The following MMP16 variants were observed in gnomAD, a reference collection of about 807,000 sequenced individuals.
MMP16 encodes matrix metallopeptidase 16.
A neutral mutation model predicts 67.8 loss-of-function variants in MMP16; 12 were observed. That is an observed-to-expected ratio of 0.18 (90% CI 0.11 to 0.29). The LOEUF is 0.29. Among genes scored for constraint, MMP16 ranks in the 10% least tolerant of loss-of-function variants. MMP16 has a pLI of 1.00. For missense variants in MMP16, 475 were observed against 765.7 expected (o/e 0.62, Z 4.48); for synonymous variants, 249 against 255.9 (o/e 0.97, Z 0.26).
intron 4 of MMP16, among the ~76,000 whole-genome samples, chr8:88,150,841 G>C (rs1223180010): frequency 6.7e-6 from 1 of 149,194 alleles, no homozygotes; most frequent in Non-Finnish European, 1.5e-5. Context: ...CATAATGACA[G>C]GATCAAATTC....
chr8:88,230,149 G>A (rs1177756471), intron 1 of MMP16, among the ~76,000 whole-genome samples: 1 of 151,984 alleles, frequency 6.6e-6, no homozygotes, highest in Non-Finnish European at 1.5e-5. Flanking sequence ...ACTTTATTGT[G>A]CCTTAGAATC....
At chr8:88,218,274 C>T (rs978403779) in intron 1 of MMP16, among the ~76,000 whole-genome samples, 9 of 151,886 alleles carry the variant, frequency 5.9e-5, no homozygotes, top group Non-Finnish European at 7.4e-5. Context: ...TAATGATGCA[C>T]AGGAAGCTAA....
rs528099010 is a variant in MMP16, at chr8:88,302,464, C to T, written c.132+24611G>A. Reference sequence around the variant, plus strand: ...ATTATCTGCGCACAAAATAAAGTCCCTGTTGTACTCCTTCTCCACTGACAT... The same window carrying T: ...ATTATCTGCGCACAAAATAAAGTCCTTGTTGTACTCCTTCTCCACTGACAT... On this transcript the variant is annotated intron_variant, in intron 1 of 9. Transcript: ENST00000286614. 1.3e-4 allele frequency among the ~76,000 whole-genome samples: 20 copies of T among 152,288 alleles called. No individual in the cohort carries two copies. In the South Asian group the frequency reaches 3.9e-3, roughly 30 times the overall value.
At chr8:88,094,276 G>C (rs1808988362) in intron 6 of MMP16, among the ~76,000 whole-genome samples, 1 of 151,648 alleles carries the variant, frequency 6.6e-6, no homozygotes, top group Non-Finnish European at 1.5e-5. Context: ...GATAACCATA[G>C]ATTCCACTGA....
intron 6 of MMP16, among the ~76,000 whole-genome samples, chr8:88,112,276 T>C (rs936399011): frequency 4.0e-5 from 6 of 151,624 alleles, no homozygotes; most frequent in Non-Finnish European, 7.4e-5. Context: ...GTTACCACTA[T>C]ATGCATTCAT....
intron 4 of MMP16, among the ~76,000 whole-genome samples, chr8:88,149,331 G>A (rs371950482): frequency 0.056 from 8,558 of 152,168 alleles, 376 homozygotes; most frequent in Admixed American, 0.11. Flanking sequence ...CAAAGCAGCC[G>A]GGAACCTCGA....
chr8:88,084,011 C>T (rs1274579115), intron 6 of MMP16, among the ~76,000 whole-genome samples: 4 of 151,976 alleles, frequency 2.6e-5, no homozygotes, highest in Non-Finnish European at 5.9e-5. Flanking sequence ...AATGGTAACG[C>T]TTGCCTAACT....
intron 2 of MMP16, among the ~76,000 whole-genome samples, chr8:88,196,162 CTA>C (rs1554584711): frequency 6.6e-6 from 1 of 152,158 alleles, no homozygotes; most frequent in Non-Finnish European, 1.5e-5. Flanking sequence ...TTTAGTTCCT[CTA>C]TTTGAGAAAG....
intron 6 of MMP16, among the ~76,000 whole-genome samples, chr8:88,092,329 C>T (rs76702677): frequency 3.7e-4 from 56 of 151,962 alleles, no homozygotes; most frequent in African/African-American, 1.3e-3. Flanking sequence ...CTTTGCATTG[C>T]TCGTTCCTTT....
chr8:88,055,870 G>C (rs1290260064), intron 8 of MMP16, among the ~76,000 whole-genome samples: 1 of 151,946 alleles, frequency 6.6e-6, no homozygotes, highest in Non-Finnish European at 1.5e-5. Flanking sequence ...AGCATTATGG[G>C]CATGTTACAA....
chr8:88,164,286 G>A (rs1265251545), intron 4 of MMP16, among the ~76,000 whole-genome samples: 5 of 151,932 alleles, frequency 3.3e-5, no homozygotes, highest in Non-Finnish European at 5.9e-5. Context: ...TAAGCCAGGG[G>A]GCATTCCAGG....
chr8:88,128,445 G>GT (rs962259378), intron 4 of MMP16, among the ~76,000 whole-genome samples: 33 of 151,808 alleles, frequency 2.2e-4, no homozygotes, highest in Non-Finnish European at 4.3e-4. Flanking sequence ...CTTTAGACAG[G>GT]TTTTTTTCCT....
At position 88,041,551 on chromosome 8, in the gene MMP16, A is replaced by G; in HGVS notation, c.1734T>C (p.Leu578=). The G allele has an allele frequency of 6.2e-7, 1 of 1,614,186 alleles. No homozygotes were observed. The highest frequency in any genetic ancestry group is 8.5e-7 in the Non-Finnish European group (1 of 1,180,016). The part of the protein sequence containing the change: ...VIPCILALCL[L]VLVYTVFQFK... ...ACTGGAACACAGTGTAAACCAATAC[A>G]AGGAGGCATAAGGCCAAGATGCAGG... The change falls in exon 10 of 10, where the codon CTT becomes CTC. Residue 578 remains leucine (L), a synonymous_variant. Coordinates refer to ENST00000286614, the MANE Select transcript of MMP16 (RefSeq NM_005941.5). The surrounding 1 kb of genome is among the most constrained non-coding windows in gnomAD (Gnocchi z 6.0).
At chr8:88,122,856 T>C (rs1466278151) in intron 4 of MMP16, among the ~76,000 whole-genome samples, 2 of 151,296 alleles carry the variant, frequency 1.3e-5, no homozygotes, top group Non-Finnish European at 2.9e-5. Flanking sequence ...TAAGGCGAGG[T>C]CATACGATAC....
chr8:88,286,802 A>C (rs1476565398), intron 1 of MMP16, among the ~76,000 whole-genome samples: 1 of 151,562 alleles, frequency 6.6e-6, no homozygotes, highest in East Asian at 1.9e-4. Flanking sequence ...TGATCTCCTG[A>C]CCTCGTGATC....
chr8:88,296,162 C>T (rs1811010345), intron 1 of MMP16, among the ~76,000 whole-genome samples: 1 of 152,068 alleles, frequency 6.6e-6, no homozygotes, highest in Admixed American at 6.6e-5. Flanking sequence ...GATTATTCGC[C>T]AGCTTCTACT....
chr8:88,249,420 A>T (rs1245224425), intron 1 of MMP16, among the ~76,000 whole-genome samples: 1 of 152,156 alleles, frequency 6.6e-6, no homozygotes, highest in African/African-American at 2.4e-5. Flanking sequence ...TAATGGTTCA[A>T]GCAAAGAGCA....
intron 1 of MMP16, among the ~76,000 whole-genome samples, chr8:88,262,891 A>G (rs959719161): frequency 4.9e-5 from 7 of 142,778 alleles, no homozygotes; most frequent in East Asian, 4.3e-4. Flanking sequence ...CGAGCGTGGT[A>G]GCGGGTGCCT....
At chr8:88,229,406 G>A (rs757982993) in intron 1 of MMP16, among the ~76,000 whole-genome samples, 6 of 151,864 alleles carry the variant, frequency 4.0e-5, no homozygotes, top group Non-Finnish European at 8.8e-5. Flanking sequence ...ATCAAAACGG[G>A]GTATGCTCTC....
Sources: allele counts gnomAD v4.1 joint callset (sites outside exome capture counted in the v4.1 genomes callset), GRCh38; gene constraint gnomAD v4.1.1; non-coding constraint Gnocchi (gnomAD v3.1); transcripts MANE v1.5; gene names NCBI Gene and HGNC (gene_info 2026-07-23, HGNC 2026-07-21).